Variants in ZC3H11A observed in about 807,000 individuals in gnomAD.
The protein encoded by ZC3H11A is zinc finger CCCH domain-containing protein 11A.
ZC3H11A carries 22 observed loss-of-function variants against 90.8 expected under a neutral mutation model. That is an observed-to-expected ratio of 0.24 (90% CI 0.17 to 0.35). The LOEUF (loss-of-function observed/expected upper bound fraction) is 0.35. Ranked by LOEUF, ZC3H11A falls within the 10% of genes least tolerant of loss-of-function variation. ZC3H11A has a pLI of 1.00. For synonymous variants in ZC3H11A, 294 were observed against 339.8 expected, an observed-to-expected ratio of 0.87 and a Z score of 1.48; for missense variants, 701 against 964.9, an observed-to-expected ratio of 0.73 and a Z score of 3.62.
intron 2 of ZC3H11A, among the ~76,000 whole-genome samples, chr1:203,808,554 G>A (rs374741564): frequency 6.6e-6 from 1 of 151,926 alleles, no homozygotes; most frequent in Admixed American, 6.6e-5. Flanking sequence ...TCCTTTTTAG[G>A]ATTTCTATTT....
chr1:203,826,785 G>A (rs888671614), intron 4 of ZC3H11A, among the ~76,000 whole-genome samples: 8 of 152,140 alleles, frequency 5.3e-5, no homozygotes, highest in Non-Finnish European at 1.0e-4. Context: ...GTTAGTTTTT[G>A]GGAGTACTTC....
chr1:203,817,968 T>TG (rs1489131910), intron 3 of ZC3H11A, among the ~76,000 whole-genome samples: 5 of 152,094 alleles, frequency 3.3e-5, no homozygotes, highest in African/African-American at 1.2e-4. Flanking sequence ...AGGCTTGTCT[T>TG]GAACTCCTGA....
intron 16 of ZC3H11A, 34 bp from the exon 17 acceptor site, chr1:203,851,023 C>T: frequency 1.2e-6 from 2 of 1,609,172 alleles, no homozygotes; most frequent in Non-Finnish European, 1.7e-6. Context: ...AAAAGCCTGA[C>T]TCTCACTGAA....
intron 12 of ZC3H11A, among the ~76,000 whole-genome samples, chr1:203,845,039 G>A (rs993845272): frequency 5.3e-5 from 8 of 151,970 alleles, no homozygotes; most frequent in African/African-American, 1.9e-4. Flanking sequence ...AGATCCCACC[G>A]TTGCTTTTAA....
chr1:203,828,337 G>A lies in ZC3H11A; in HGVS notation c.213G>A (p.Gln71=), dbSNP rs199880998. Residue 71 remains glutamine, a synonymous_variant, in exon 5 of 18, where the codon CAG becomes CAA. Transcript: ENST00000367210. ...RSEIPCYWEN[Q]PTGCQKLNCA... is the part of the protein sequence containing the mutation. Reference sequence around the variant, plus strand: ...AAATTCCTTGTTATTGGGAAAATCAGCCAACAGGATGTCAAAAATTAAACT... The same window carrying A: ...AAATTCCTTGTTATTGGGAAAATCAACCAACAGGATGTCAAAAATTAAACT... 11 of 1,613,956 alleles carry A rather than the reference G, an allele frequency of 6.8e-6. No individual in the cohort carries two copies. The highest frequency in any genetic ancestry group is 1.7e-6 in the Non-Finnish European group (2 of 1,179,980).
rs1364928962 is a variant in ZC3H11A, at chr1:203,850,603, C to T, written c.2028C>T (p.His676=). 2.2e-5 allele frequency: 36 copies of T among 1,613,982 alleles called. No homozygotes were observed. The highest frequency in any genetic ancestry group is 1.6e-4 in the East Asian group (7 of 44,896). Residue 676 remains histidine, a synonymous_variant, in exon 16 of 18, where the codon CAC becomes CAT. Transcript: ENST00000367210. The part of the protein sequence containing the change: ...LAPKRKAVEM[H]AAVIAAVKPL... ...CAAAACGTAAGGCAGTGGAGATGCA[C>T]GCTGCTGTCATTGCCGCTGTGAAGC...
chr1:203,819,136 G>GTATATGTGTGTATATACACACACGTGTA (rs1194758022), intron 4 of ZC3H11A, among the ~76,000 whole-genome samples: 1 of 143,770 alleles, frequency 7.0e-6, no homozygotes, highest in African/African-American at 2.8e-5. Flanking sequence ...ATATACATAT[G>GTATATGTGTGTATATACACACACGTGTA]TATATGTGTG....
chr1:203,831,069 T>C (rs1682185218), intron 8 of ZC3H11A, among the ~76,000 whole-genome samples: 1 of 150,294 alleles, frequency 6.7e-6, no homozygotes, highest in African/African-American at 2.4e-5. Context: ...CTCAGCCTCC[T>C]GAGTAGCTGG....
chr1:203,841,574 C>A (rs912600670), intron 12 of ZC3H11A, among the ~76,000 whole-genome samples: 4 of 152,214 alleles, frequency 2.6e-5, no homozygotes, highest in Admixed American at 1.3e-4. Flanking sequence ...GACACAGTAA[C>A]AATCTGATCT....
intron 1 of ZC3H11A, chr1:203,800,313 A>G (rs1268186796): frequency 1.1e-5 from 10 of 890,862 alleles, no homozygotes; most frequent in Non-Finnish European, 1.8e-5. Flanking sequence ...AAAACAGATC[A>G]TGAGCCTGGA....
intron 4 of ZC3H11A, among the ~76,000 whole-genome samples, chr1:203,821,974 G>C (rs370178139): frequency 2.0e-5 from 3 of 152,024 alleles, no homozygotes; most frequent in Non-Finnish European, 4.4e-5. Flanking sequence ...AGCCAGGATG[G>C]TCTCGATCTG....
chr1:203,818,445 T>G (rs1677118579), intron 3 of ZC3H11A, 125 bp from the exon 4 acceptor site: 1 of 1,300,164 alleles, frequency 7.7e-7, no homozygotes, highest in African/African-American at 1.5e-5. Flanking sequence ...TGTCCATTGT[T>G]TTTTACCTTA....
intron 2 of ZC3H11A, among the ~76,000 whole-genome samples, chr1:203,813,024 G>A (rs887112284): frequency 6.6e-6 from 1 of 151,952 alleles, no homozygotes; most frequent in Non-Finnish European, 1.5e-5. Flanking sequence ...TTGGGGAGTT[G>A]TTTTCTTATT....
intron 11 of ZC3H11A, among the ~76,000 whole-genome samples, chr1:203,838,860 G>A (rs918357176): frequency 6.7e-6 from 1 of 150,164 alleles, no homozygotes; most frequent in Non-Finnish European, 1.5e-5. Flanking sequence ...GGCTGAGGCA[G>A]GAGAATTGTG....
chr1:203,799,805 C>A, intron 1 of ZC3H11A: 1 of 1,346,920 alleles, frequency 7.4e-7, no homozygotes, highest in Non-Finnish European at 1.0e-6. Context: ...TGCTTAAATC[C>A]AAGCCCTGTA....
intron 4 of ZC3H11A, among the ~76,000 whole-genome samples, chr1:203,826,956 A>C (rs548384744): frequency 6.6e-6 from 1 of 152,206 alleles, no homozygotes; most frequent in East Asian, 1.9e-4. Context: ...CTTCCCCTTC[A>C]TCCCCTTGTT....
chr1:203,834,091 A>T, intron 10 of ZC3H11A: 2 of 1,182,156 alleles, frequency 1.7e-6, no homozygotes, highest in Non-Finnish European at 2.1e-6. Context: ...AAGGAACTAG[A>T]TTTTAAAAAT....
intron 8 of ZC3H11A, among the ~76,000 whole-genome samples, chr1:203,830,925 ATTTTTTTTTTT>A (rs774771270): frequency 2.5e-4 from 13 of 51,384 alleles, no homozygotes; most frequent in South Asian, 8.7e-4. Flanking sequence ...CCAACCCCCA[ATTTTTTTTTTT>A]TTTTTTTTTT....
Position 203,830,193 on chromosome 1 carries a change from G to C in ZC3H11A, c.690G>C (p.Lys230Asn). ...CAAAGAAAATGAAGGAAAAATCTAA[G>C]AAGCAAGGTGGTAAGTCATCACGTT... is the stretch of plus-strand genomic sequence containing the variant. ...IKSKKMKEKS[K>N]KQGEGSSGVS... is the part of the protein sequence containing the mutation. The change falls in exon 8 of 18, where the codon AAG becomes AAC. Residue 230 changes from lysine to asparagine, a missense_variant. Around this residue, in one of 4 missense-constraint regions of ZC3H11A, gnomAD observed 530 missense variants for 696.2 expected, o/e 0.76. Coordinates refer to ENST00000367210, the MANE Select transcript of ZC3H11A (RefSeq NM_001376342.1). 1 of 1,601,120 alleles carries C rather than the reference G, an allele frequency of 6.2e-7. No homozygotes were observed. The highest frequency in any genetic ancestry group is 8.5e-7 in the Non-Finnish European group (1 of 1,176,308).
Sources: allele counts gnomAD v4.1 joint callset (sites outside exome capture counted in the v4.1 genomes callset), GRCh38; gene constraint gnomAD v4.1.1; regional missense constraint gnomAD v4.1.1; transcripts MANE v1.5; gene names NCBI Gene and HGNC (gene_info 2026-07-23, HGNC 2026-07-21).